PACRGL: variants seen among roughly 807,000 people sequenced by gnomAD.
PACRGL encodes parkin coregulated like.
PACRGL carries 38 observed loss-of-function variants against 34.5 expected under a neutral mutation model. That is an observed-to-expected ratio of 1.10 (90% confidence interval 0.85 to 1.44). The LOEUF is 1.44. Ranked by LOEUF, PACRGL falls within the 40% of genes most tolerant of loss-of-function variation. PACRGL has a pLI of 0.00. For missense variants in PACRGL, 305 were observed against 281.4 expected (o/e 1.08, Z -0.60); for synonymous variants, 128 against 100.1 (o/e 1.28, Z -1.66).
At chr4:20,719,880 A>G (rs1202672944) in intron 7 of PACRGL, among the ~76,000 whole-genome samples, 1 of 151,984 alleles carries the variant, frequency 6.6e-6, no homozygotes, top group Admixed American at 6.6e-5. Context: ...ATTCCTGGGT[A>G]TCCTTGTTAA....
chr4:20,747,650 CTCTCAG>C (rs1266136469), intron 8 of PACRGL, among the ~76,000 whole-genome samples: 7 of 152,096 alleles, frequency 4.6e-5, no homozygotes, highest in Admixed American at 2.6e-4. Flanking sequence ...TCCTTCTCCA[CTCTCAG>C]CTTTTATTTT....
intron 8 of PACRGL, among the ~76,000 whole-genome samples, chr4:20,745,407 A>C (rs560306111): frequency 1.3e-5 from 2 of 152,174 alleles, no homozygotes; most frequent in East Asian, 3.9e-4. Flanking sequence ...GAGTTACTCA[A>C]AACAGGAATG....
At chr4:20,706,567 T>C (rs935156949) in intron 3 of PACRGL, among the ~76,000 whole-genome samples, 2 of 152,132 alleles carry the variant, frequency 1.3e-5, no homozygotes, top group Non-Finnish European at 2.9e-5. Context: ...ATGGATTGAA[T>C]TTTGGAAATG....
intron 7 of PACRGL, among the ~76,000 whole-genome samples, chr4:20,722,903 G>A (rs950202564): frequency 6.6e-6 from 1 of 152,152 alleles, no homozygotes; most frequent in Non-Finnish European, 1.5e-5. Context: ...CACAGCTGAG[G>A]TATGATTTTG....
At chr4:20,717,744 G>A (rs1307494035) in intron 7 of PACRGL, among the ~76,000 whole-genome samples, 2 of 152,184 alleles carry the variant, frequency 1.3e-5, no homozygotes, top group Non-Finnish European at 2.9e-5. Context: ...TAGCCTTGTA[G>A]TATAGTTTGA....
upstream of PACRGL, among the ~76,000 whole-genome samples, chr4:20,696,762 C>A (rs1731261474): frequency 6.6e-6 from 1 of 152,194 alleles, no homozygotes; most frequent in African/African-American, 2.4e-5. Context: ...AATACAGTAG[C>A]CACTAGCCAT....
the PACRGL span, among the ~76,000 whole-genome samples, chr4:20,757,992 T>C: frequency 9.9e-5 from 15 of 152,172 alleles, no homozygotes; most frequent in African/African-American, 3.6e-4. Flanking sequence ...ATACTTGAGT[T>C]TGACATTGTC....
In PACRGL at chr4:20,713,392, C is replaced by G. The variant is rs368991028; in HGVS notation, c.502-40C>G. 4.7e-5 allele frequency: 69 copies of G among 1,480,408 alleles called. No homozygotes were observed. In the African/African-American group the frequency reaches 7.8e-4, roughly 17 times the overall value. The allele number at this position is 1,480,408 out of a possible 1,614,324, so 91.7% of individuals were successfully genotyped here. On this transcript the variant is annotated intron_variant, in intron 6 of 8. Coordinates refer to ENST00000503585, the MANE Select transcript of PACRGL (RefSeq NM_001258345.3). ...CTTTTCTTTCCTTTTCTCCTCTCTT[C>G]CCTGATGTCCATACATCCCCCAACT...
At chr4:20,766,915 ATC>A in the PACRGL span, 1 of 152,064 alleles carries the variant, frequency 6.6e-6, no homozygotes, top group Non-Finnish European at 1.5e-5. Flanking sequence ...AAACTGTTTA[ATC>A]TAAGTCTCAT....
chr4:20,722,369 C>G (rs1249406883), intron 7 of PACRGL, among the ~76,000 whole-genome samples: 1 of 152,216 alleles, frequency 6.6e-6, no homozygotes. Flanking sequence ...TGAGATGAAC[C>G]CGGTACCTCA....
At chr4:20,719,100 T>A (rs1272866387) in intron 7 of PACRGL, 2 of 152,244 alleles carry the variant, frequency 1.3e-5, no homozygotes, top group East Asian at 3.8e-4. Flanking sequence ...TCTGCAAGAT[T>A]TTCTAGTTTA....
downstream of PACRGL, among the ~76,000 whole-genome samples, chr4:20,753,705 C>A (rs978924961): frequency 7.9e-5 from 12 of 152,170 alleles, no homozygotes; most frequent in Non-Finnish European, 1.6e-4. Context: ...ATAGTAGCTT[C>A]TGTCAATAAG....
chr4:20,731,074 A>AATTCTTTT lies in PACRGL; in HGVS notation c.*3734_*3741dup, dbSNP rs1286844447. On this transcript the variant is annotated 3_prime_UTR_variant, in exon 9 of 9. Transcript: ENST00000503585. Reference sequence around the variant, plus strand: ...TCTTTGTTTTCAGGATTATTTGAAAAATTCTTTTTTTCTTTTTTTAGTTTT... The same window carrying AATTCTTTT: ...TCTTTGTTTTCAGGATTATTTGAAAAATTCTTTTATTCTTTTTTTCTTTTTTTAGTTTT... Among the ~76,000 whole-genome samples the AATTCTTTT allele has an allele frequency of 1.1e-4, 17 of 152,252 alleles. No individual in the cohort carries two copies. Among genetic ancestry groups the AATTCTTTT allele is most frequent in the African/African-American group, 3.9e-4 (16 of 41,544 alleles).
At chr4:20,736,165 A>T (rs764788867), downstream of PACRGL, among the ~76,000 whole-genome samples, 1 of 152,130 alleles carries the variant, frequency 6.6e-6, no homozygotes, top group Non-Finnish European at 1.5e-5. Context: ...AATAGTTTGT[A>T]TTTACTTCCA....
At chr4:20,716,269 G>A (rs1198932946) in intron 7 of PACRGL, 2 of 663,970 alleles carry the variant, frequency 3.0e-6, no homozygotes, top group Non-Finnish European at 2.6e-6. Flanking sequence ...CATAGGGCAG[G>A]GTCCATGAGA....
chr4:20,750,450 C>T (rs374308540), intron 8 of PACRGL, among the ~76,000 whole-genome samples: 38 of 152,176 alleles, frequency 2.5e-4, no homozygotes, highest in East Asian at 2.3e-3. Flanking sequence ...GTAGGGAGCC[C>T]CTACTCTGTC....
At position 20,729,419 on chromosome 4, in the gene PACRGL, A is replaced by AATGCTTATTAAAATAAGTTTT. The variant is rs1747192732; in HGVS notation, c.*2081_*2101dup. On this transcript the variant is annotated 3_prime_UTR_variant, in exon 9 of 9. Transcript: ENST00000503585. ...GGCTGTAACATATTATGGAAAATTA[A>AATGCTTATTAAAATAAGTTTT]ATGCTTATTAAAATAAGTTTTATTA... 5 of 152,408 alleles carry AATGCTTATTAAAATAAGTTTT rather than the reference A, an allele frequency of 3.3e-5. No homozygotes were observed. In the South Asian group the frequency reaches 1.1e-3, roughly 33 times the overall value. 9.4% of individuals were successfully genotyped at this position (152,408 alleles called of 1,614,324 possible). A position where few individuals can be genotyped will look rare whatever the true frequency, so the allele number is the denominator to read the frequency against.
Position 20,730,140 on chromosome 4 carries a change from G to GAAACACAGAGCGATT in PACRGL, c.*2803_*2817dup. 6.2e-7 allele frequency: 1 copy of GAAACACAGAGCGATT among 1,602,028 alleles called. No homozygotes were observed. Among genetic ancestry groups the GAAACACAGAGCGATT allele is most frequent in the Non-Finnish European group, 8.5e-7 (1 of 1,175,368 alleles). The stretch of plus-strand genomic sequence containing the variant: ...CATTATGTTTTCATCCTGTAAGGGA[G>GAAACACAGAGCGATT]AAACACAGAGCGATTAAATTCAGCA... On this transcript the variant is annotated 3_prime_UTR_variant, in exon 9 of 9. Coordinates refer to ENST00000503585, the MANE Select transcript of PACRGL (RefSeq NM_001258345.3).
intron 1 of PACRGL, chr4:20,702,843 A>G (rs1159058090): frequency 1.3e-5 from 2 of 152,240 alleles, no homozygotes; most frequent in Non-Finnish European, 2.9e-5. Context: ...GGCCCTGGGA[A>G]TGGAGGTGAA....
Sources: gnomAD v4.1 joint callset for allele counts (sites outside exome capture counted in the v4.1 genomes callset) on GRCh38, gnomAD v4.1.1 for gene constraint, MANE v1.5 for transcripts, NCBI Gene and HGNC (gene_info 2026-07-23, HGNC 2026-07-21) for gene names.